Variants in ATP11B observed in about 807,000 individuals in gnomAD.
ATP11B encodes ATPase phospholipid transporting 11B (putative).
A neutral mutation model predicts 157.8 loss-of-function variants in ATP11B; 81 were observed. The ratio of observed to expected loss-of-function variants is 0.51; its 90% CI spans 0.43 to 0.62. The LOEUF (loss-of-function observed/expected upper bound fraction) is 0.62, where lower values mean the gene tolerates loss of function less well. Among genes scored for constraint, ATP11B ranks in the 20% least tolerant of loss-of-function variants. The pLI is 0.00. For synonymous variants in ATP11B, 451 were observed against 469.4 expected (o/e 0.96, Z 0.51); for missense variants, 1,165 against 1,402.2 (o/e 0.83, Z 2.70).
Position 182,872,392 on chromosome 3 carries a change from T to A in ATP11B, c.1903T>A (p.Phe635Ile). 1 of 1,613,218 alleles carries A rather than the reference T, an allele frequency of 6.2e-7. No individual in the cohort carries two copies. The highest frequency in any genetic ancestry group is 8.5e-7 in the Non-Finnish European group (1 of 1,179,564). ...LRTLCIAYRKFTSKEYEEIDK... is the reference protein window; with the variant it reads ...LRTLCIAYRKITSKEYEEIDK... ...AACTCTGTGTATAGCATATAGAAAA[T>A]TTACATCAAAAGAGTATGAGGAAAT... The change falls in exon 18 of 30, where the codon TTT becomes ATT. Residue 635 changes from phenylalanine to isoleucine, a missense_variant. By Grantham distance (21) the Phe-to-Ile change is conservative (BLOSUM62 0). Around this residue, in one of 4 missense-constraint regions of ATP11B, gnomAD observed 737 missense variants for 930.5 expected, o/e 0.79. Coordinates refer to ENST00000323116, the MANE Select transcript of ATP11B (RefSeq NM_014616.3).
At chr3:182,892,417 G>C (rs982678882) in intron 25 of ATP11B, among the ~76,000 whole-genome samples, 1 of 152,144 alleles carries the variant, frequency 6.6e-6, no homozygotes, top group Non-Finnish European at 1.5e-5. Flanking sequence ...AGGGCCTAGA[G>C]CAGAAAAAGT....
intron 28 of ATP11B, among the ~76,000 whole-genome samples, chr3:182,910,117 T>C (rs944057334): frequency 2.0e-5 from 3 of 151,162 alleles, no homozygotes; most frequent in Non-Finnish European, 4.4e-5. Context: ...CTTTTTTTTC[T>C]TTAGAGAAAA....
intron 1 of ATP11B, among the ~76,000 whole-genome samples, chr3:182,799,008 A>G (rs1163614856): frequency 1.3e-5 from 2 of 152,258 alleles, no homozygotes; most frequent in Non-Finnish European, 2.9e-5. Flanking sequence ...GTAACAATAT[A>G]TAATGCCTGG....
chr3:182,870,565 T>C (rs1156815216), intron 17 of ATP11B, among the ~76,000 whole-genome samples: 1 of 152,252 alleles, frequency 6.6e-6, no homozygotes, highest in African/African-American at 2.4e-5. Flanking sequence ...AAGTATTTGT[T>C]ATAGAATGAA....
intron 28 of ATP11B, among the ~76,000 whole-genome samples, chr3:182,912,666 A>C (rs1394341009): frequency 6.6e-6 from 1 of 152,192 alleles, no homozygotes; most frequent in Non-Finnish European, 1.5e-5. Context: ...CTGAGCATGG[A>C]TCTTGCAGGA....
intron 1 of ATP11B, among the ~76,000 whole-genome samples, chr3:182,816,668 CA>C (rs1400306300): frequency 2.0e-5 from 3 of 152,182 alleles, no homozygotes; most frequent in Non-Finnish European, 4.4e-5. Flanking sequence ...TTTCAAGCTA[CA>C]GAACTAATTA....
chr3:182,817,155 T>C (rs993348079), intron 1 of ATP11B, among the ~76,000 whole-genome samples: 22 of 152,226 alleles, frequency 1.4e-4, no homozygotes, highest in Non-Finnish European at 2.9e-4. Context: ...ATTGGGAATA[T>C]GGAAAAGTTT....
chr3:182,795,214 G>A (rs912567451), intron 1 of ATP11B, among the ~76,000 whole-genome samples: 2 of 152,084 alleles, frequency 1.3e-5, no homozygotes, highest in African/African-American at 4.8e-5. Flanking sequence ...GTAAGCTGTA[G>A]CACAGTAATT....
rs1268035061 is a variant in ATP11B at position 182,889,588 on chromosome 3, T to C, written c.2982+40T>C. 3 of 1,467,244 alleles carry C rather than the reference T, an allele frequency of 2.0e-6. No individual in the cohort carries two copies. In the African/African-American group the frequency reaches 4.5e-5, roughly 22 times the overall value. The allele number at this position is 1,467,244 out of a possible 1,614,324, so 90.9% of individuals were successfully genotyped here. On this transcript the variant is annotated intron_variant, in intron 25 of 29. Coordinates refer to ENST00000323116, the MANE Select transcript of ATP11B (RefSeq NM_014616.3). ...TTTTTTAAAGAATGCTTGTTAATAT[T>C]TTATGGGTTTTTTATAGCTTTTGTC...
intron 17 of ATP11B, 68 bp from the exon 18 acceptor site, chr3:182,872,288 G>A: frequency 8.5e-7 from 1 of 1,172,798 alleles, no homozygotes; most frequent in South Asian, 1.6e-5. Flanking sequence ...TTTTGATAGT[G>A]ACTTCTTGAT....
rs151024301 is a variant in ATP11B at position 182,821,926 on chromosome 3, A to G, written c.144+1550A>G. On this transcript the variant is annotated intron_variant, in intron 2 of 29. Transcript: ENST00000323116. The stretch of plus-strand genomic sequence containing the variant: ...TCTAATCCTAACCTCGTCTTTCCCA[A>G]GGATGTTGTCTTAGGTCAGCAGTTC... 2.0e-3 allele frequency among the ~76,000 whole-genome samples: 297 copies of G among 152,276 alleles called. 3 individuals carry two copies. The highest frequency in any genetic ancestry group is 0.01 in the Middle Eastern group (3 of 294).
In ATP11B at chr3:182,889,398, T is replaced by G; in HGVS notation, c.2844-12T>G. ...ATCCCTAATATGTTTCTTTTTCTCTTCTTTTTAACAGAGACATTAGTAAAA... is the reference window on the plus strand; with the variant it reads ...ATCCCTAATATGTTTCTTTTTCTCTGCTTTTTAACAGAGACATTAGTAAAA... On this transcript the variant is annotated splice_polypyrimidine_tract_variant and intron_variant, in intron 24 of 29. Coordinates refer to ENST00000323116, the MANE Select transcript of ATP11B (RefSeq NM_014616.3). 6.6e-7 allele frequency: 1 copy of G among 1,526,208 alleles called. No homozygotes were observed. The allele number at this position is 1,526,208 out of a possible 1,614,324, so 94.5% of individuals were successfully genotyped here.
At chr3:182,871,409 C>G (rs1721646906) in intron 17 of ATP11B, among the ~76,000 whole-genome samples, 1 of 152,216 alleles carries the variant, frequency 6.6e-6, no homozygotes, top group Non-Finnish European at 1.5e-5. Context: ...GAGATGAATA[C>G]TATAAGAAAA....
At chr3:182,893,241 T>C (rs1247410125) in intron 25 of ATP11B, among the ~76,000 whole-genome samples, 1 of 152,198 alleles carries the variant, frequency 6.6e-6, no homozygotes, top group East Asian at 1.9e-4. Flanking sequence ...TATTTACTTT[T>C]TTTTTACATG....
chr3:182,869,405 T>C (rs1577052527), intron 17 of ATP11B, 74 bp downstream of exon 17: 2 of 1,016,248 alleles, frequency 2.0e-6, no homozygotes, highest in East Asian at 5.3e-5. Context: ...TTATTTCTTA[T>C]AATTTATCAA....
chr3:182,866,134 A>G (rs1721213173), intron 13 of ATP11B, 134 bp from the exon 14 acceptor site: 1 of 637,756 alleles, frequency 1.6e-6, no homozygotes, highest in Non-Finnish European at 2.5e-6. Context: ...TTTTGAAGGC[A>G]GAAACAACCA....
At chr3:182,859,016 A>G (rs1720630878) in intron 11 of ATP11B, 146 bp from the exon 12 acceptor site, 1 of 519,758 alleles carries the variant, frequency 1.9e-6, no homozygotes, top group African/African-American at 1.9e-5. Context: ...AATTCAATAA[A>G]TGAATTTCAA....
intron 4 of ATP11B, chr3:182,830,092 C>A (rs183672193): frequency 1.9e-5 from 7 of 376,526 alleles, no homozygotes; most frequent in African/African-American, 1.3e-4. Flanking sequence ...AAAGGAAATA[C>A]AATTCAAAAG....
At position 182,913,935 on chromosome 3, in the gene ATP11B, A is replaced by C. The variant is rs773663643; in HGVS notation, c.3393A>C (p.Ala1131=). The change falls in exon 29 of 30, where the codon GCA becomes GCC. Residue 1131 remains alanine (A), a synonymous_variant. Coordinates refer to ENST00000323116, the MANE Select transcript of ATP11B (RefSeq NM_014616.3). The part of the protein sequence containing the change: ...CCFPEGEAAC[A]SVGRMLERVI... The stretch of plus-strand genomic sequence containing the variant: ...TCCCGGAAGGAGAAGCAGCGTGTGC[A>C]TCTGTTGGAAGAATGCTGGAACGAG... 16 of 1,614,054 alleles carry C rather than the reference A, an allele frequency of 9.9e-6. No homozygotes were observed. The South Asian group carries it at 1.2e-4, about 12-fold the overall frequency.
Sources: gnomAD v4.1 joint callset for allele counts (sites outside exome capture counted in the v4.1 genomes callset) on GRCh38, gnomAD v4.1.1 for gene constraint, gnomAD v4.1.1 regional missense constraint, MANE v1.5 for transcripts, NCBI Gene and HGNC (gene_info 2026-07-23, HGNC 2026-07-21) for gene names.